ZNF611: variants seen among roughly 807,000 people sequenced by gnomAD.
ZNF611 encodes the protein zinc finger protein 611.
A neutral mutation model predicts 8.9 loss-of-function variants in ZNF611; 6 were observed. The observed-to-expected ratio is 0.68, with a 90% CI of 0.37 to 1.34. The LOEUF is 1.34. Ranked by LOEUF, ZNF611 falls within the 40% of genes most tolerant of loss-of-function variation. The pLI, the probability that ZNF611 is intolerant of heterozygous loss-of-function variation, is 0.02. For missense variants in ZNF611, 874 were observed against 841.3 expected, an observed-to-expected ratio of 1.04 and a Z score of -0.48; for synonymous variants, 262 against 279.7, an observed-to-expected ratio of 0.94 and a Z score of 0.63.
intron 3 of ZNF611, among the ~76,000 whole-genome samples, chr19:52,718,811 CAAACAAA>C (rs1359039722): frequency 6.7e-6 from 1 of 149,938 alleles, no homozygotes; most frequent in Non-Finnish European, 1.5e-5. Context: ...AACAAACAAA[CAAACAAA>C]AAACAAAAAA....
rs570380513 is a variant in ZNF611 at position 52,704,377 on chromosome 19, C to A, written c.*560G>T. The A allele has an allele frequency of 1.5e-4, 96 of 643,616 alleles. No individual in the cohort carries two copies. The highest frequency in any genetic ancestry group is 5.2e-4 in the Admixed American group (27 of 52,216). 39.9% of individuals were successfully genotyped at this position (643,616 alleles called of 1,614,324 possible). The stretch of plus-strand genomic sequence containing the variant: ...GTAAGATTTCTGTCCAGTATAGATT[C>A]TCTGATGTCTAATGACGTGTGAACG... On this transcript the variant is annotated 3_prime_UTR_variant, in exon 6 of 6. Coordinates refer to ENST00000652185, the MANE Select transcript of ZNF611 (RefSeq NM_001161499.2).
chr19:52,733,486 G>T (rs183700799), intron 1 of ZNF611, among the ~76,000 whole-genome samples: 1 of 151,974 alleles, frequency 6.6e-6, no homozygotes, highest in Non-Finnish European at 1.5e-5. Flanking sequence ...TTTTTTGGCG[G>T]GGGGGAGGTC....
Position 52,704,948 on chromosome 19 carries a change from C to T in ZNF611, c.2107G>A (p.Glu703Lys), listed in dbSNP as rs750064141. The T allele has an allele frequency of 4.3e-6, 7 of 1,613,942 alleles. No individual in the cohort carries two copies. In the African/African-American group the frequency reaches 8.0e-5, roughly 18 times the overall value. ...CATGCTTCACATTTCTAAGGTTTCT[C>T]TCCAGTATGAATTCTATGATGACGT... ...LSRHHRIHTG[E>K]KP Residue 703 changes from glutamate to lysine, a missense_variant, in exon 6 of 6, where the codon GAG becomes AAG. Glu to Lys is a moderately conservative substitution (Grantham distance 56, BLOSUM62 1). Transcript: ENST00000652185.
intron 1 of ZNF611, among the ~76,000 whole-genome samples, chr19:52,733,096 C>T (rs1347819380): frequency 6.6e-6 from 1 of 152,162 alleles, no homozygotes; most frequent in African/African-American, 2.4e-5. Flanking sequence ...TGCCCTCTGG[C>T]AAATAGGGAT....
At chr19:52,712,876 G>A (rs1261332483) in intron 5 of ZNF611, among the ~76,000 whole-genome samples, 2 of 152,144 alleles carry the variant, frequency 1.3e-5, no homozygotes, top group Non-Finnish European at 2.9e-5. Context: ...CACATACAGT[G>A]GAATATTATT....
chr19:52,714,708 AC>A (rs778194434), intron 4 of ZNF611, among the ~76,000 whole-genome samples: 2,284 of 70,530 alleles, frequency 0.032, 501 homozygotes, highest in East Asian at 0.068. Flanking sequence ...ACAAAACAAA[AC>A]AAAAAAACAA....
intron 3 of ZNF611, among the ~76,000 whole-genome samples, chr19:52,718,430 A>G (rs2062332523): frequency 2.0e-5 from 3 of 151,828 alleles, no homozygotes; most frequent in Non-Finnish European, 4.4e-5. Context: ...ACTTGAGCCC[A>G]GGAGGTTGCC....
intron 1 of ZNF611, among the ~76,000 whole-genome samples, chr19:52,731,884 T>G (rs1377480235): frequency 1.3e-5 from 2 of 151,952 alleles, no homozygotes; most frequent in African/African-American, 4.8e-5. Context: ...GGCAGTAGAA[T>G]CGCTTGATGC....
At chr19:52,727,687 G>A (rs1367379803) in intron 3 of ZNF611, among the ~76,000 whole-genome samples, 1 of 152,108 alleles carries the variant, frequency 6.6e-6, no homozygotes, top group South Asian at 2.1e-4. Flanking sequence ...GCCCACCTTG[G>A]CATATCAATG....
chr19:52,729,251 C>T (rs143000908), intron 2 of ZNF611, among the ~76,000 whole-genome samples: 1 of 151,678 alleles, frequency 6.6e-6, no homozygotes, highest in African/African-American at 2.4e-5. Flanking sequence ...GTAAATAATC[C>T]ACAACAAGCT....
chr19:52,718,590 G>C (rs1029130761), intron 3 of ZNF611, among the ~76,000 whole-genome samples: 7 of 151,564 alleles, frequency 4.6e-5, no homozygotes, highest in East Asian at 2.0e-4. Flanking sequence ...CCTGAGGTCA[G>C]GAATTCAAGA....
At chr19:52,729,492 CAAAAAAAAAAAAAAAA>C (rs397859789) in intron 2 of ZNF611, among the ~76,000 whole-genome samples, 1 of 42,354 alleles carries the variant, frequency 2.4e-5, no homozygotes, top group Non-Finnish European at 3.6e-5. Context: ...GACTCCATCT[CAAAAAAAAAAAAAAAA>C]AAAAAAAAAA....
Position 52,705,858 on chromosome 19 carries a change from T to A in ZNF611, c.1197A>T (p.Arg399Ser). The change falls in exon 6 of 6, where the codon AGA (arginine) becomes AGT (serine). Residue 399 changes from arginine (R) to serine (S), a missense_variant. By Grantham distance (110) the Arg-to-Ser change is moderately radical. Coordinates refer to ENST00000652185, the MANE Select transcript of ZNF611 (RefSeq NM_001161499.2). ...TGAAAGCTGTGTCACAAACCTTACA[T>A]CTGTATGGTTTCTCTCCAGTATGAA... ...KRIHTGEKPY[R>S]CKVCDTAFTW... is the part of the protein sequence containing the mutation. The A allele has an allele frequency of 6.2e-7, 1 of 1,614,136 alleles. No homozygotes were observed. The highest frequency in any genetic ancestry group is 8.5e-7 in the Non-Finnish European group (1 of 1,180,024).
intron 1 of ZNF611, among the ~76,000 whole-genome samples, chr19:52,730,991 A>G (rs2147450356): frequency 6.6e-6 from 1 of 151,986 alleles, no homozygotes; most frequent in African/African-American, 2.4e-5. Flanking sequence ...GCTGGAGTGT[A>G]GTGGCATGAT....
intron 1 of ZNF611, 41 bp downstream of exon 1, chr19:52,734,960 C>T (rs2062448289): frequency 1.3e-5 from 2 of 152,534 alleles, no homozygotes; most frequent in South Asian, 2.0e-4. Flanking sequence ...CCCTGGGAAC[C>T]TAGTTAGCGC....
intron 1 of ZNF611, among the ~76,000 whole-genome samples, chr19:52,730,422 A>C (rs913498448): frequency 5.2e-5 from 7 of 133,736 alleles, no homozygotes; most frequent in Non-Finnish European, 1.1e-4. Context: ...AAAAAAAAAA[A>C]AACATGATGT....
rs1020908184 is a variant in ZNF611, at chr19:52,717,776, A to T, written c.-19-1863T>A. Reference sequence around the variant, plus strand: ...GATCACCATTTTTTCAGATGATATGAGGAAAGAAAATGGAATAGGCTACTT... The same window carrying T: ...GATCACCATTTTTTCAGATGATATGTGGAAAGAAAATGGAATAGGCTACTT... On this transcript the variant is annotated intron_variant, in intron 3 of 5. Transcript: ENST00000652185. 6 of 816,336 alleles carry T rather than the reference A, an allele frequency of 7.3e-6. No homozygotes were observed. The South Asian group carries it at 2.8e-4, about 38-fold the overall frequency. The allele number at this position is 816,336 out of a possible 1,614,324, so 50.6% of individuals were successfully genotyped here.
chr19:52,706,967 C>T, intron 5 of ZNF611, 103 bp from the exon 6 acceptor site: 2 of 1,492,000 alleles, frequency 1.3e-6, no homozygotes, highest in South Asian at 2.9e-5. Context: ...TTTGAACTTC[C>T]CAAACATCAT....
chr19:52,731,936 A>C (rs1301701555), intron 1 of ZNF611, among the ~76,000 whole-genome samples: 1 of 150,112 alleles, frequency 6.7e-6, no homozygotes, highest in Non-Finnish European at 1.5e-5. Context: ...ATGCCATCGC[A>C]CTCCAGCCTT....
Sources: gnomAD v4.1 joint callset for allele counts (sites outside exome capture counted in the v4.1 genomes callset) on GRCh38, gnomAD v4.1.1 for gene constraint, MANE v1.5 for transcripts, NCBI Gene and HGNC (gene_info 2026-07-23, HGNC 2026-07-21) for gene names.